Variants in RBFOX1 observed in about 807,000 individuals in gnomAD.
RBFOX1 encodes RNA binding fox-1 homolog 1.
In RBFOX1, 8 loss-of-function variants were observed where a neutral mutation model predicts 57.7. That is an observed-to-expected ratio of 0.14 (90% confidence interval 0.08 to 0.25). The LOEUF (loss-of-function observed/expected upper bound fraction) is 0.25. Ranked by LOEUF, RBFOX1 falls within the 10% of genes least tolerant of loss-of-function variation. The probability of loss-of-function intolerance (pLI) is 1.00; values close to 1 mark genes in which losing one functional copy is unlikely to be tolerated. For synonymous variants in RBFOX1, 326 were observed against 222.4 expected, an observed-to-expected ratio of 1.47 and a Z score of -4.15; for missense variants, 611 against 548.5, an observed-to-expected ratio of 1.11 and a Z score of -1.14.
At chr16:6,845,960 A>G (rs1285580014) in intron 3 of RBFOX1, among the ~76,000 whole-genome samples, 2 of 152,204 alleles carry the variant, frequency 1.3e-5, no homozygotes, top group Non-Finnish European at 2.9e-5. Context: ...CTTCTTCCTT[A>G]GGTGTTACTG....
rs1000848387 is a variant in RBFOX1, at chr16:5,378,426, C to T, written c.220-88790C>T. 4.0e-5 allele frequency among the ~76,000 whole-genome samples: 6 copies of T among 151,562 alleles called. 1 individual carries two copies. Among genetic ancestry groups the T allele is most frequent in the African/African-American group, 1.5e-4 (6 of 40,828 alleles). ...CAGGATCGGGGAGTTAGCCTCCCTT[C>T]GAACACTCCAGGAAGAGTCCTGGCT... On this transcript the variant is annotated intron_variant, in intron 1 of 2. Transcript: ENST00000585867.
intron 12 of RBFOX1, among the ~76,000 whole-genome samples, chr16:7,663,201 C>G (rs555146814): frequency 6.6e-6 from 1 of 152,314 alleles, no homozygotes; most frequent in African/African-American, 2.4e-5. Context: ...CCGACATTCT[C>G]TATGTTGGAA....
chr16:6,922,071 T>G (rs2074578460), intron 3 of RBFOX1, among the ~76,000 whole-genome samples: 1 of 152,208 alleles, frequency 6.6e-6, no homozygotes, highest in Non-Finnish European at 1.5e-5. Context: ...CTATTCAGGT[T>G]AATCACTGCC....
chr16:7,267,302 A>G (rs532742464), intron 4 of RBFOX1, among the ~76,000 whole-genome samples: 1 of 152,118 alleles, frequency 6.6e-6, no homozygotes, highest in Non-Finnish European at 1.5e-5. Context: ...TCGGAGGCCA[A>G]AGGGGGCGGA....
At position 7,620,688 on chromosome 16, in the gene RBFOX1, A is replaced by G. The variant is rs561815724; in HGVS notation, c.677-9915A>G. ...CTTTGTTGTAATGGGGGTAATGGATATTGATCATTCTCATGCTGAAGGATA... is the reference window on the plus strand; with the variant it reads ...CTTTGTTGTAATGGGGGTAATGGATGTTGATCATTCTCATGCTGAAGGATA... On this transcript the variant is annotated intron_variant, in intron 10 of 15. Coordinates refer to ENST00000550418, the MANE Select transcript of RBFOX1 (RefSeq NM_018723.4). 2.6e-5 allele frequency among the ~76,000 whole-genome samples: 4 copies of G among 152,300 alleles called. No individual in the cohort carries two copies. The East Asian group carries it at 7.7e-4, about 29-fold the overall frequency.
At chr16:5,521,429 A>C (rs939544469) in intron 2 of RBFOX1, among the ~76,000 whole-genome samples, 1 of 152,120 alleles carries the variant, frequency 6.6e-6, no homozygotes, top group South Asian at 2.1e-4. Flanking sequence ...TAGGATCCCA[A>C]ATCATTTCTT....
At chr16:5,370,358 G>A (rs116769560) in intron 1 of RBFOX1, among the ~76,000 whole-genome samples, 93 of 151,734 alleles carry the variant, frequency 6.1e-4, no homozygotes, top group African/African-American at 2.1e-3. Context: ...GCTGTTTGAC[G>A]TCCTCCCTGG....
At chr16:7,352,392 C>T (rs1481693228) in intron 4 of RBFOX1, among the ~76,000 whole-genome samples, 4 of 152,156 alleles carry the variant, frequency 2.6e-5, no homozygotes, top group Admixed American at 1.3e-4. Flanking sequence ...TGAATTTCCC[C>T]ATCTTGGACA....
At chr16:5,407,846 G>A (rs2151455792) in intron 1 of RBFOX1, among the ~76,000 whole-genome samples, 1 of 152,260 alleles carries the variant, frequency 6.6e-6, no homozygotes, top group East Asian at 1.9e-4. Flanking sequence ...ACTGCACATG[G>A]CCCAGGCCTT....
At chr16:7,057,219 T>A (rs941044428) in intron 4 of RBFOX1, among the ~76,000 whole-genome samples, 1 of 152,170 alleles carries the variant, frequency 6.6e-6, no homozygotes, top group African/African-American at 2.4e-5. Flanking sequence ...TGTATTTGAT[T>A]TCATGGTGAA....
chr16:7,204,683 G>C (rs1298206942), intron 4 of RBFOX1, among the ~76,000 whole-genome samples: 1 of 152,098 alleles, frequency 6.6e-6, no homozygotes, highest in African/African-American at 2.4e-5. Flanking sequence ...ACTGTTCTAA[G>C]ACATCAGGGA....
rs184381652 is a variant in RBFOX1, at chr16:7,421,963, C to A, written c.28-96184C>A. Among the ~76,000 whole-genome samples, 3 of 152,284 alleles carry A rather than the reference C, an allele frequency of 2.0e-5. No homozygotes were observed. In the East Asian group the frequency reaches 5.8e-4, roughly 29 times the overall value. ...TCATGCCCAGTCCCTAAAGCCATATCTGTTCCATATTTTTCAGAGGGAGAA... is the reference window on the plus strand; with the variant it reads ...TCATGCCCAGTCCCTAAAGCCATATATGTTCCATATTTTTCAGAGGGAGAA... On this transcript the variant is annotated intron_variant, in intron 4 of 15. Transcript: ENST00000550418.
At chr16:6,569,277 T>TCCCAAAG (rs2097310957) in intron 2 of RBFOX1, among the ~76,000 whole-genome samples, 4 of 152,304 alleles carry the variant, frequency 2.6e-5, no homozygotes, top group African/African-American at 9.6e-5. Context: ...ACAACAAACA[T>TCCCAAAG]TTCTTTTTGT....
chr16:5,985,442 G>A (rs879319012), intron 4 of RBFOX1, among the ~76,000 whole-genome samples: 5 of 152,056 alleles, frequency 3.3e-5, no homozygotes, highest in South Asian at 2.1e-4. Flanking sequence ...CCCATTTTAC[G>A]GATGAAGAAA....
chr16:5,564,004 G>C (rs1479373010), intron 2 of RBFOX1, among the ~76,000 whole-genome samples: 1 of 152,020 alleles, frequency 6.6e-6, no homozygotes, highest in Non-Finnish European at 1.5e-5. Context: ...GTGTAGGAGA[G>C]AGTTTTTTTA....
chr16:6,950,794 T>A (rs2080562635), intron 3 of RBFOX1, among the ~76,000 whole-genome samples: 1 of 152,208 alleles, frequency 6.6e-6, no homozygotes, highest in African/African-American at 2.4e-5. Flanking sequence ...CAGAATGCTC[T>A]ATCACAACAG....
chr16:6,868,907 C>T (rs926915600), intron 3 of RBFOX1, among the ~76,000 whole-genome samples: 1 of 152,176 alleles, frequency 6.6e-6, no homozygotes, highest in Admixed American at 6.5e-5. Flanking sequence ...CTTGAAGTGA[C>T]ATTTTGTGAG....
chr16:6,013,234 C>T (rs2094972469), intron 4 of RBFOX1, among the ~76,000 whole-genome samples: 1 of 152,132 alleles, frequency 6.6e-6, no homozygotes, highest in South Asian at 2.1e-4. Flanking sequence ...TAGTATGTTT[C>T]ATAAAGTTAT....
intron 1 of RBFOX1, among the ~76,000 whole-genome samples, chr16:6,154,470 C>T (rs747878427): frequency 6.6e-6 from 1 of 152,186 alleles, no homozygotes; most frequent in Non-Finnish European, 1.5e-5. Flanking sequence ...GGTAGTGAAT[C>T]TATTATCCTA....
Sources: allele counts gnomAD v4.1 joint callset (sites outside exome capture counted in the v4.1 genomes callset), GRCh38; gene constraint gnomAD v4.1.1; transcripts MANE v1.5; gene names NCBI Gene and HGNC (gene_info 2026-07-23, HGNC 2026-07-21).